The following KIF20B variants were observed in gnomAD, a reference collection of about 807,000 sequenced individuals.
KIF20B encodes kinesin-like protein KIF20B.
Under a neutral mutation model 232.5 loss-of-function variants are expected in KIF20B, and 188 were observed. The observed-to-expected ratio is 0.81, with a 90% CI of 0.72 to 0.91. The LOEUF (loss-of-function observed/expected upper bound fraction) is 0.91. Ranked by LOEUF, KIF20B falls within the 40% of genes least tolerant of loss-of-function variation. KIF20B has a pLI of 0.00. For missense variants in KIF20B, 2,154 were observed against 2,055.9 expected (o/e 1.05, Z -0.92); for synonymous variants, 712 against 683.0 (o/e 1.04, Z -0.66).
Position 89,715,636 on chromosome 10 carries a change from C to T in KIF20B, c.940+454C>T, listed in dbSNP as rs550812895. Among the ~76,000 whole-genome samples the T allele has an allele frequency of 1.7e-3, 256 of 152,234 alleles. 1 individual carries two copies. Among genetic ancestry groups the T allele is most frequent in the African/African-American group, 5.6e-3 (234 of 41,544 alleles). ...TGTAATATTTACAACTCAAAAGTTT[C>T]GTTAATTATACTTTTACTACAAGGA... On this transcript the variant is annotated intron_variant, in intron 8 of 32. Transcript: ENST00000371728.
rs548658457 is a variant in KIF20B, at chr10:89,754,967, T to A, written c.4503+294T>A. On this transcript the variant is annotated intron_variant, in intron 26 of 32. Transcript: ENST00000371728. ...CCGTTACAGAGTATTCCCTATTATA[T>A]TTTAAAACTTTCTGCATTTTGAACT... 2.6e-5 allele frequency among the ~76,000 whole-genome samples: 4 copies of A among 152,356 alleles called. No homozygotes were observed. In the East Asian group the frequency reaches 5.8e-4, roughly 22 times the overall value.
intron 4 of KIF20B, 80 bp from the exon 5 acceptor site, chr10:89,709,847 A>G: frequency 9.0e-7 from 1 of 1,109,136 alleles, no homozygotes; most frequent in Non-Finnish European, 1.2e-6. Context: ...TAAATTTTTA[A>G]ACAGTAGTGT....
At chr10:89,710,524 T>C (rs1226421265) in intron 5 of KIF20B, among the ~76,000 whole-genome samples, 2 of 152,214 alleles carry the variant, frequency 1.3e-5, no homozygotes, top group African/African-American at 2.4e-5. Flanking sequence ...CCACCATGCC[T>C]GGCCTTGCTA....
At chr10:89,759,102 A>T (rs909105308) in intron 27 of KIF20B, among the ~76,000 whole-genome samples, 5 of 152,108 alleles carry the variant, frequency 3.3e-5, no homozygotes, top group Admixed American at 6.6e-5. Flanking sequence ...TATTTTGGTT[A>T]TATCTCTCAG....
Position 89,709,925 on chromosome 10 carries a change from A to T in KIF20B, c.352-2A>T. ...AAGAGTTTTTAAAAAATGTTTGCTT[A>T]GGTTTTTGGCCCAGCAACTACACAG... On this transcript the variant is annotated splice_acceptor_variant, in intron 4 of 32. Transcript: ENST00000371728. LOFTEE classifies it high-confidence loss of function. 6.4e-7 allele frequency: 1 copy of T among 1,566,660 alleles called. No homozygotes were observed. Among genetic ancestry groups the T allele is most frequent in the South Asian group, 1.2e-5 (1 of 82,776 alleles).
At chr10:89,765,200 T>C (rs1842329771) in intron 29 of KIF20B, among the ~76,000 whole-genome samples, 1 of 152,108 alleles carries the variant, frequency 6.6e-6, no homozygotes, top group African/African-American at 2.4e-5. Context: ...ATCAGATAGT[T>C]GTAGATATGC....
At chr10:89,728,450 A>G (rs1843237903) in intron 17 of KIF20B, among the ~76,000 whole-genome samples, 1 of 152,186 alleles carries the variant, frequency 6.6e-6, no homozygotes, top group East Asian at 1.9e-4. Context: ...TTATTAACTC[A>G]TTTAAATGTT....
Position 89,739,078 on chromosome 10 carries a change from T to G in KIF20B, c.3897T>G (p.Ile1299Met). 6.2e-7 allele frequency: 1 copy of G among 1,612,828 alleles called. No homozygotes were observed. Among genetic ancestry groups the G allele is most frequent in the Non-Finnish European group, 8.5e-7 (1 of 1,179,450 alleles). Reference sequence around the variant, plus strand: ...AACTGACTGATGCCAAAAAGCAGATTAAGCAAGTACAGAAAGAGGTAGGTT... The same window carrying G: ...AACTGACTGATGCCAAAAAGCAGATGAAGCAAGTACAGAAAGAGGTAGGTT... The part of the protein sequence containing the change: ...KEKLTDAKKQ[I>M]KQVQKEVSVM... Residue 1299 changes from isoleucine to methionine, a missense_variant, in exon 21 of 33, where the codon ATT becomes ATG. Coordinates refer to ENST00000371728, the MANE Select transcript of KIF20B (RefSeq NM_001284259.2).
chr10:89,745,453 G>A (rs1024040407), intron 22 of KIF20B, among the ~76,000 whole-genome samples: 12 of 152,168 alleles, frequency 7.9e-5, no homozygotes, highest in African/African-American at 2.7e-4. Flanking sequence ...AACCCAGGAG[G>A]TGGAGGTTGC....
intron 2 of KIF20B, among the ~76,000 whole-genome samples, chr10:89,707,750 C>T (rs780763085): frequency 2.2e-4 from 34 of 152,004 alleles, no homozygotes; most frequent in Non-Finnish European, 4.9e-4. Flanking sequence ...TTTTGCTGCT[C>T]ATCTTAGATT....
Position 89,733,005 on chromosome 10 carries a change from A to G in KIF20B, c.2494A>G (p.Lys832Glu), listed in dbSNP as rs1843361941. 4 of 1,613,816 alleles carry G rather than the reference A, an allele frequency of 2.5e-6. No individual in the cohort carries two copies. The highest frequency in any genetic ancestry group is 3.3e-4 in the Middle Eastern group (2 of 6,056). ...DSKSKICSER[K>E]RVNENELQQD... Reference sequence around the variant, plus strand: ...CAAATCTAAAATCTGTTCAGAAAGAAAAAGAGTAAATGAAAATGAACTTCA... The same window carrying G: ...CAAATCTAAAATCTGTTCAGAAAGAGAAAGAGTAAATGAAAATGAACTTCA... Residue 832 changes from lysine to glutamate, a missense_variant, in exon 19 of 33, where the codon AAA (lysine) becomes GAA (glutamate). Transcript: ENST00000371728.
chr10:89,729,952 T>G (rs1843283505), intron 18 of KIF20B, among the ~76,000 whole-genome samples: 1 of 152,192 alleles, frequency 6.6e-6, no homozygotes, highest in Non-Finnish European at 1.5e-5. Context: ...CATCTTGCTT[T>G]GTTGAAAGGT....
intron 19 of KIF20B, 109 bp downstream of exon 19, chr10:89,733,165 G>C: frequency 8.8e-7 from 1 of 1,139,378 alleles, no homozygotes; most frequent in Non-Finnish European, 1.3e-6. Flanking sequence ...AAAATCTTGA[G>C]AAAATCTAAA....
chr10:89,745,832 A>G, intron 22 of KIF20B, 67 bp from the exon 23 acceptor site: 1 of 1,046,946 alleles, frequency 9.6e-7, no homozygotes, highest in Admixed American at 1.8e-5. Context: ...CCTGTTTTCA[A>G]GATCCACTGT....
intron 21 of KIF20B, among the ~76,000 whole-genome samples, chr10:89,740,631 G>C (rs575993794): frequency 1.3e-5 from 2 of 152,206 alleles, no homozygotes; most frequent in Admixed American, 1.3e-4. Context: ...ATAAATTCAG[G>C]TGTGATTAAA....
At position 89,752,731 on chromosome 10, in the gene KIF20B, T is replaced by C. The variant is rs745732817; in HGVS notation, c.4347+40T>C. On this transcript the variant is annotated intron_variant, in intron 25 of 32. Coordinates refer to ENST00000371728, the MANE Select transcript of KIF20B (RefSeq NM_001284259.2). ...ATGTTTTTATGTATGAATGTATCTG[T>C]CTTCATTATATTTCTAATAAGAGGA... The C allele has an allele frequency of 5.1e-6, 7 of 1,374,360 alleles. No individual in the cohort carries two copies. In the African/African-American group the frequency reaches 9.0e-5, roughly 18 times the overall value. The allele number at this position is 1,374,360 out of a possible 1,614,324, so 85.1% of individuals were successfully genotyped here.
At chr10:89,716,158 G>C (rs1167975206) in intron 8 of KIF20B, among the ~76,000 whole-genome samples, 1 of 151,916 alleles carries the variant, frequency 6.6e-6, no homozygotes, top group African/African-American at 2.4e-5. Flanking sequence ...TTTTCCCTGA[G>C]TGTCTAATTC....
chr10:89,702,427 G>A (rs758703808), intron 1 of KIF20B, among the ~76,000 whole-genome samples: 128 of 152,294 alleles, frequency 8.4e-4, no homozygotes, highest in Non-Finnish European at 5.0e-4. Flanking sequence ...TAAACTACTA[G>A]TTTACAGAAG....
At chr10:89,706,726 TG>T (rs1330060702) in intron 2 of KIF20B, among the ~76,000 whole-genome samples, 4 of 152,054 alleles carry the variant, frequency 2.6e-5, no homozygotes, top group African/African-American at 9.7e-5. Flanking sequence ...CAAACGGCTG[TG>T]TATATGTGGA....
Sources: gnomAD v4.1 joint callset for allele counts (sites outside exome capture counted in the v4.1 genomes callset) on GRCh38, gnomAD v4.1.1 for gene constraint, MANE v1.5 for transcripts, NCBI Gene and HGNC (gene_info 2026-07-23, HGNC 2026-07-21) for gene names.